PLXDC2: variants seen among roughly 807,000 people sequenced by gnomAD.
PLXDC2 encodes plexin domain containing 2.
PLXDC2 carries 40 observed loss-of-function variants against 68.9 expected under a neutral mutation model. That is an observed-to-expected ratio of 0.58 (90% confidence interval 0.45 to 0.76). The LOEUF is 0.76. Ranked by LOEUF, PLXDC2 falls within the 30% of genes least tolerant of loss-of-function variation. The probability of loss-of-function intolerance (pLI) is 0.00; values close to 1 mark genes in which losing one functional copy is unlikely to be tolerated. For synonymous variants in PLXDC2, 243 were observed against 234.2 expected, an observed-to-expected ratio of 1.04 and a Z score of -0.34; for missense variants, 644 against 661.9, an observed-to-expected ratio of 0.97 and a Z score of 0.30.
intron 1 of PLXDC2, among the ~76,000 whole-genome samples, chr10:19,997,957 A>G (rs1050014942): frequency 3.9e-5 from 6 of 152,204 alleles, no homozygotes; most frequent in African/African-American, 7.2e-5. Flanking sequence ...TTATATTCCA[A>G]TGGGAATCAA....
chr10:20,121,365 G>A (rs947205230), intron 4 of PLXDC2, among the ~76,000 whole-genome samples: 1 of 152,174 alleles, frequency 6.6e-6, no homozygotes, highest in Non-Finnish European at 1.5e-5. Context: ...CCATGCCTAG[G>A]AAGGAAAGGA....
chr10:19,931,241 G>C (rs1480092061), intron 1 of PLXDC2, among the ~76,000 whole-genome samples: 1 of 152,234 alleles, frequency 6.6e-6, no homozygotes, highest in Non-Finnish European at 1.5e-5. Context: ...TCCTGAGGAC[G>C]GGCCAGCTTG....
In PLXDC2 at chr10:19,827,342, A is replaced by G. The variant is rs1342721912; in HGVS notation, c.112+10151A>G. Among the ~76,000 whole-genome samples the G allele has an allele frequency of 3.9e-5, 6 of 152,258 alleles. No homozygotes were observed. The East Asian group carries it at 1.2e-3, about 29-fold the overall frequency. On this transcript the variant is annotated intron_variant, in intron 1 of 13. Transcript: ENST00000377252. The stretch of plus-strand genomic sequence containing the variant: ...TGTTCTTGCTCTTCAGAAGCTGGCT[A>G]TTTCAGGAGGTTCTTTCCTTTTCCA...
At chr10:19,997,507 C>CT (rs1834862657) in intron 1 of PLXDC2, among the ~76,000 whole-genome samples, 1 of 152,134 alleles carries the variant, frequency 6.6e-6, no homozygotes, top group South Asian at 2.1e-4. Context: ...TATGCAGTTA[C>CT]TTTTTGGTGG....
chr10:19,969,834 G>A lies in PLXDC2; in HGVS notation c.113-31941G>A, dbSNP rs374814985. On this transcript the variant is annotated intron_variant, in intron 1 of 13. Coordinates refer to ENST00000377252, the MANE Select transcript of PLXDC2 (RefSeq NM_032812.9). ...CAGAATAGAAATGTAACAGAAAACA[G>A]CAGAATGATTTAAAATGCCCTGTTT... 7.6e-4 allele frequency among the ~76,000 whole-genome samples: 115 copies of A among 152,294 alleles called. 1 individual carries two copies. The highest frequency in any genetic ancestry group is 2.7e-3 in the African/African-American group (114 of 41,568).
intron 1 of PLXDC2, among the ~76,000 whole-genome samples, chr10:19,845,266 T>G (rs1416901404): frequency 6.6e-6 from 1 of 152,180 alleles, no homozygotes; most frequent in Non-Finnish European, 1.5e-5. Flanking sequence ...GTGTAGGATT[T>G]GTTTTTTGCT....
At chr10:19,880,595 A>G (rs114709515) in intron 1 of PLXDC2, among the ~76,000 whole-genome samples, 1,769 of 152,306 alleles carry the variant, frequency 0.012, 38 homozygotes, top group African/African-American at 0.039. Context: ...TCGAGATAAA[A>G]GGGATTACTG....
chr10:20,101,763 A>G (rs576642578), intron 4 of PLXDC2, among the ~76,000 whole-genome samples: 7 of 150,964 alleles, frequency 4.6e-5, no homozygotes, highest in Admixed American at 6.6e-5. Context: ...TCTAGAGTCT[A>G]TTAAGTGACA....
chr10:20,021,153 A>C (rs1377606840), intron 2 of PLXDC2, among the ~76,000 whole-genome samples: 2 of 152,110 alleles, frequency 1.3e-5, no homozygotes, highest in East Asian at 3.8e-4. Context: ...CATTCTCAAA[A>C]GCCTTTGCTC....
intron 1 of PLXDC2, among the ~76,000 whole-genome samples, chr10:19,970,362 G>A (rs548661697): frequency 6.6e-6 from 1 of 152,270 alleles, no homozygotes; most frequent in South Asian, 2.1e-4. Context: ...AAAACAGTTA[G>A]CCCCTTGACA....
chr10:20,064,914 T>C (rs1836178509), intron 3 of PLXDC2, among the ~76,000 whole-genome samples: 1 of 152,168 alleles, frequency 6.6e-6, no homozygotes, highest in East Asian at 1.9e-4. Flanking sequence ...TGTTTGGTTT[T>C]TTTTTCTCTA....
intron 7 of PLXDC2, among the ~76,000 whole-genome samples, chr10:20,170,141 G>A (rs1834427782): frequency 6.6e-6 from 1 of 152,090 alleles, no homozygotes; most frequent in Non-Finnish European, 1.5e-5. Flanking sequence ...AACAATTATA[G>A]GTATATATTT....
At chr10:20,213,424 T>A (rs2358867) in intron 10 of PLXDC2, among the ~76,000 whole-genome samples, 141,927 of 152,108 alleles carry the variant, frequency 0.93, 66,280 homozygotes, top group East Asian at 0.96. Context: ...TGTATTAATT[T>A]CTATTGTTTT....
intron 1 of PLXDC2, among the ~76,000 whole-genome samples, chr10:19,937,732 C>T (rs1020648564): frequency 6.6e-6 from 1 of 151,910 alleles, no homozygotes; most frequent in Non-Finnish European, 1.5e-5. Flanking sequence ...TTGCCACACT[C>T]TGTGGCAGGG....
chr10:20,024,139 A>G (rs4748630), intron 2 of PLXDC2, among the ~76,000 whole-genome samples: 28,337 of 152,158 alleles, frequency 0.19, 3,350 homozygotes, highest in South Asian at 0.32. Context: ...TTGACTTTCA[A>G]AAACATTCCT....
intron 1 of PLXDC2, among the ~76,000 whole-genome samples, chr10:19,879,049 G>A (rs898494242): frequency 2.0e-5 from 3 of 152,108 alleles, no homozygotes; most frequent in African/African-American, 4.8e-5. Context: ...CTTTAAGTAA[G>A]TGGTCTTGTC....
In PLXDC2 at chr10:20,116,687, T is replaced by A. The variant is rs1255673105; in HGVS notation, c.542-26608T>A. ...TACCTGTTTCTCTCCAAAGTGTGTA[T>A]GATGTCACTAGAAGTAAGAAGACAT... On this transcript the variant is annotated intron_variant, in intron 4 of 13. Coordinates refer to ENST00000377252, the MANE Select transcript of PLXDC2 (RefSeq NM_032812.9). Among the ~76,000 whole-genome samples the A allele has an allele frequency of 2.0e-5, 3 of 152,332 alleles. No individual in the cohort carries two copies. The South Asian group carries it at 6.2e-4, about 32-fold the overall frequency.
At chr10:20,119,692 G>A (rs1296115543) in intron 4 of PLXDC2, among the ~76,000 whole-genome samples, 1 of 152,058 alleles carries the variant, frequency 6.6e-6, no homozygotes, top group Non-Finnish European at 1.5e-5. Context: ...GGTATGGAGA[G>A]ATAATGGGCG....
chr10:20,286,335 A>G lies in PLXDC2; in HGVS notation c.*6516A>G, dbSNP rs1487482237. ...TTTCTAAGGCTTATTAACATTTGCAAATTACTCAATAAATGTCTTTCATAA... is the reference window on the plus strand; with the variant it reads ...TTTCTAAGGCTTATTAACATTTGCAGATTACTCAATAAATGTCTTTCATAA... On this transcript the variant is annotated 3_prime_UTR_variant, in exon 14 of 14. Coordinates refer to ENST00000377252, the MANE Select transcript of PLXDC2 (RefSeq NM_032812.9). The G allele has an allele frequency of 2.6e-5, 4 of 152,196 alleles. No homozygotes were observed. Among genetic ancestry groups the G allele is most frequent in the Non-Finnish European group, 5.9e-5 (4 of 68,038 alleles). The allele number at this position is 152,196 out of a possible 1,614,324, so 9.4% of individuals were successfully genotyped here. A position where few individuals can be genotyped will look rare whatever the true frequency, so the allele number is the denominator to read the frequency against.
Sources: allele counts gnomAD v4.1 joint callset (sites outside exome capture counted in the v4.1 genomes callset), GRCh38; gene constraint gnomAD v4.1.1; transcripts MANE v1.5; gene names NCBI Gene and HGNC (gene_info 2026-07-23, HGNC 2026-07-21).